The following CNTN5 variants were observed in gnomAD, a reference collection of about 807,000 sequenced individuals.
CNTN5 encodes the protein contactin 5.
A neutral mutation model predicts 129.1 loss-of-function variants in CNTN5; 77 were observed. The observed-to-expected ratio is 0.60, with a 90% CI of 0.50 to 0.72. The LOEUF (loss-of-function observed/expected upper bound fraction) is 0.72. CNTN5 is among the 30% of genes least tolerant of loss of function. The probability of loss-of-function intolerance (pLI) is 0.00; values close to 1 mark genes in which losing one functional copy is unlikely to be tolerated. For missense variants in CNTN5, 1,478 were observed against 1,328.8 expected, an observed-to-expected ratio of 1.11 and a Z score of -1.75; for synonymous variants, 509 against 465.6, an observed-to-expected ratio of 1.09 and a Z score of -1.20.
intron 1 of CNTN5, among the ~76,000 whole-genome samples, chr11:99,321,986 G>T (rs1447138113): frequency 1.3e-5 from 2 of 152,096 alleles, no homozygotes; most frequent in South Asian, 2.1e-4. Flanking sequence ...TCTGTGCACT[G>T]GTTTGTTTAG....
intron 9 of CNTN5, among the ~76,000 whole-genome samples, chr11:100,058,679 G>A (rs1943338995): frequency 1.3e-5 from 2 of 151,958 alleles, no homozygotes; most frequent in Non-Finnish European, 2.9e-5. Context: ...AAAGCAGAAA[G>A]GTATTCGAAG....
chr11:100,036,940 C>T (rs1226524090), intron 9 of CNTN5, among the ~76,000 whole-genome samples: 9 of 149,514 alleles, frequency 6.0e-5, no homozygotes, highest in Non-Finnish European at 1.2e-4. Flanking sequence ...TTCCTCTTTT[C>T]CTAATTGAAG....
chr11:99,286,792 A>C (rs991210553), intron 1 of CNTN5, among the ~76,000 whole-genome samples: 3 of 152,196 alleles, frequency 2.0e-5, no homozygotes, highest in African/African-American at 4.8e-5. Flanking sequence ...AAATACAAAA[A>C]GAAACTTTAT....
intron 1 of CNTN5, among the ~76,000 whole-genome samples, chr11:99,322,785 G>A (rs1865624327): frequency 6.6e-6 from 1 of 151,954 alleles, no homozygotes; most frequent in South Asian, 2.1e-4. Context: ...TGAAATAGAG[G>A]GAGTTATGAT....
At chr11:99,318,468 C>T (rs1464314417) in intron 1 of CNTN5, among the ~76,000 whole-genome samples, 2 of 152,058 alleles carry the variant, frequency 1.3e-5, no homozygotes, top group Non-Finnish European at 2.9e-5. Flanking sequence ...ACAAAAACTT[C>T]AGCTGAAGAA....
chr11:100,182,060 G>A (rs1468941042), intron 13 of CNTN5, among the ~76,000 whole-genome samples: 2 of 152,014 alleles, frequency 1.3e-5, no homozygotes, highest in Non-Finnish European at 2.9e-5. Flanking sequence ...CTTCAAGAGA[G>A]GTCATTATGC....
At chr11:99,052,729 G>C (rs1864476951) in intron 1 of CNTN5, among the ~76,000 whole-genome samples, 1 of 151,794 alleles carries the variant, frequency 6.6e-6, no homozygotes. Context: ...ATGTTGGATG[G>C]GTTGACTTGG....
chr11:99,782,841 A>G (rs1013923507), intron 3 of CNTN5, among the ~76,000 whole-genome samples: 3 of 151,890 alleles, frequency 2.0e-5, no homozygotes, highest in Non-Finnish European at 4.4e-5. Context: ...GATGGATTAA[A>G]GACTTAAACG....
At chr11:99,795,397 A>G (rs1173523771) in intron 3 of CNTN5, among the ~76,000 whole-genome samples, 1 of 152,104 alleles carries the variant, frequency 6.6e-6, no homozygotes, top group Non-Finnish European at 1.5e-5. Context: ...ATTCCTATCC[A>G]TATTCTGAAT....
intron 3 of CNTN5, among the ~76,000 whole-genome samples, chr11:99,613,183 A>G (rs1950642975): frequency 6.6e-6 from 1 of 152,198 alleles, no homozygotes; most frequent in African/African-American, 2.4e-5. Flanking sequence ...TTGAATTGTA[A>G]GCACCATAAT....
intron 4 of CNTN5, among the ~76,000 whole-genome samples, chr11:99,832,659 T>G (rs965032059): frequency 2.6e-5 from 4 of 152,168 alleles, no homozygotes; most frequent in African/African-American, 9.7e-5. Flanking sequence ...AGATACTTGG[T>G]GCAAAAATTT....
chr11:100,299,914 C>T (rs1413006403), intron 20 of CNTN5, among the ~76,000 whole-genome samples: 1 of 151,354 alleles, frequency 6.6e-6, no homozygotes, highest in Non-Finnish European at 1.5e-5. Flanking sequence ...ATGAAATAGA[C>T]ATTATTGCCT....
chr11:100,273,552 C>T (rs1950446732), intron 18 of CNTN5, among the ~76,000 whole-genome samples: 1 of 152,152 alleles, frequency 6.6e-6, no homozygotes, highest in Non-Finnish European at 1.5e-5. Flanking sequence ...ACCCCTCCAG[C>T]TTGCAGAGCA....
chr11:99,971,924 A>T (rs1020385067), intron 8 of CNTN5, among the ~76,000 whole-genome samples: 4 of 151,146 alleles, frequency 2.6e-5, no homozygotes, highest in South Asian at 4.2e-4. Context: ...AAACATTTGT[A>T]TCAGGATAAT....
At chr11:99,471,901 C>G (rs764444605) in intron 2 of CNTN5, among the ~76,000 whole-genome samples, 1 of 152,020 alleles carries the variant, frequency 6.6e-6, no homozygotes, top group Non-Finnish European at 1.5e-5. Flanking sequence ...TATCATGATG[C>G]CTAAGACATA....
At chr11:99,658,321 C>T (rs1486381662) in intron 3 of CNTN5, among the ~76,000 whole-genome samples, 1 of 152,088 alleles carries the variant, frequency 6.6e-6, no homozygotes, top group Middle Eastern at 3.2e-3. Flanking sequence ...ATCAAATCCC[C>T]TCTAATTCAG....
intron 3 of CNTN5, among the ~76,000 whole-genome samples, chr11:99,618,479 C>A (rs1249412090): frequency 6.6e-6 from 1 of 152,112 alleles, no homozygotes; most frequent in African/African-American, 2.4e-5. Context: ...GTGTAATCTA[C>A]GTGAAAGCAG....
chr11:99,785,708 A>G (rs956696076), intron 3 of CNTN5, among the ~76,000 whole-genome samples: 1 of 152,176 alleles, frequency 6.6e-6, no homozygotes. Context: ...ATACAAATCA[A>G]TAAACATAAT....
chr11:99,298,366 T>G (rs2135938336), intron 1 of CNTN5, among the ~76,000 whole-genome samples: 1 of 152,276 alleles, frequency 6.6e-6, no homozygotes, highest in Middle Eastern at 3.4e-3. Flanking sequence ...CGAGACTGAT[T>G]ACAGCTTGGC....
Sources: gnomAD v4.1 joint callset for allele counts (sites outside exome capture counted in the v4.1 genomes callset) on GRCh38, gnomAD v4.1.1 for gene constraint, MANE v1.5 for transcripts, NCBI Gene and HGNC (gene_info 2026-07-23, HGNC 2026-07-21) for gene names.